The following KLF12 variants were observed in gnomAD, a reference collection of about 807,000 sequenced individuals.
KLF12 encodes the protein KLF transcription factor 12, also known as Krueppel-like factor 12.
KLF12 carries 9 observed loss-of-function variants against 37.8 expected under a neutral mutation model. That is an observed-to-expected ratio of 0.24 (90% CI 0.14 to 0.42). KLF12 has a LOEUF of 0.42. KLF12 is among the 10% of genes least tolerant of loss of function. KLF12 has a pLI of 1.00. For synonymous variants in KLF12, 208 were observed against 202.1 expected (o/e 1.03, Z -0.25); for missense variants, 411 against 516.0 (o/e 0.80, Z 1.97).
chr13:73,969,230 A>G (rs895299302), intron 2 of KLF12, among the ~76,000 whole-genome samples: 1 of 152,190 alleles, frequency 6.6e-6, no homozygotes, highest in Non-Finnish European at 1.5e-5. Flanking sequence ...AATCCTAGGC[A>G]ATGACTGGAT....
chr13:74,060,581 G>A (rs911624047), intron 1 of KLF12, among the ~76,000 whole-genome samples: 2 of 149,658 alleles, frequency 1.3e-5, no homozygotes, highest in African/African-American at 2.5e-5. Context: ...AACATTACTG[G>A]TGTACAGAAA....
intron 2 of KLF12, among the ~76,000 whole-genome samples, chr13:73,990,868 A>G (rs936533716): frequency 1.2e-4 from 18 of 152,206 alleles, no homozygotes; most frequent in African/African-American, 3.4e-4. Flanking sequence ...TTATTTTTAA[A>G]AAACCGTTTC....
At chr13:74,091,426 G>C (rs1397093341) in intron 1 of KLF12, among the ~76,000 whole-genome samples, 1 of 152,154 alleles carries the variant, frequency 6.6e-6, no homozygotes, top group Non-Finnish European at 1.5e-5. Context: ...TGGAATCATA[G>C]AGTATGAAGA....
At chr13:74,295,937 C>G in the KLF12 span, among the ~76,000 whole-genome samples, 13 of 152,186 alleles carry the variant, frequency 8.5e-5, no homozygotes, top group Middle Eastern at 3.4e-3. Flanking sequence ...CCTCAGCGTC[C>G]TGAGTAGCAG....
chr13:73,769,081 A>G (rs1164786477), intron 5 of KLF12, among the ~76,000 whole-genome samples: 1 of 152,228 alleles, frequency 6.6e-6, no homozygotes, highest in Non-Finnish European at 1.5e-5. Context: ...GTGGGTACTT[A>G]TAAGAAGCAC....
In KLF12 at chr13:73,937,497, TA is replaced by T. The variant is rs370912032; in HGVS notation, c.123+6483del. Among the ~76,000 whole-genome samples the T allele has an allele frequency of 1.9e-4, 29 of 152,278 alleles. No homozygotes were observed. The East Asian group carries it at 5.4e-3, about 28-fold the overall frequency. On this transcript the variant is annotated intron_variant, in intron 3 of 7. Transcript: ENST00000377669. ...GACCCTATAAAAATGCAAATAACTC[TA>T]GGAAAGGGCACTTTACATTCTCTTC...
At chr13:74,117,828 C>A (rs1265171629) in intron 1 of KLF12, among the ~76,000 whole-genome samples, 1 of 152,154 alleles carries the variant, frequency 6.6e-6, no homozygotes, top group Non-Finnish European at 1.5e-5. Context: ...AATACCTGAC[C>A]AGTACTCCTT....
intron 5 of KLF12, among the ~76,000 whole-genome samples, chr13:73,781,135 A>G (rs1211736563): frequency 2.0e-5 from 3 of 152,234 alleles, no homozygotes. Context: ...GCCTCCAGCA[A>G]AAAGAAATAC....
At chr13:73,987,777 G>A (rs1891863932) in intron 2 of KLF12, among the ~76,000 whole-genome samples, 1 of 136,114 alleles carries the variant, frequency 7.3e-6, no homozygotes, top group Non-Finnish European at 1.6e-5. Flanking sequence ...TTGGAGAGGG[G>A]AGAGAAGAAG....
the KLF12 span, among the ~76,000 whole-genome samples, chr13:74,235,687 G>A: frequency 6.6e-6 from 1 of 152,056 alleles, no homozygotes; most frequent in African/African-American, 2.4e-5. Flanking sequence ...ATACTTTCAT[G>A]AGGAGTATTT....
rs1451101488 is a variant in KLF12 at position 73,838,586 on chromosome 13, A to AATAAGTT, written c.670+7234_670+7240dup. Among the ~76,000 whole-genome samples, 10 of 152,290 alleles carry AATAAGTT rather than the reference A, an allele frequency of 6.6e-5. No individual in the cohort carries two copies. The East Asian group carries it at 1.9e-3, about 29-fold the overall frequency. ...TAAGAAATAATGCATTTGGACCTATAATAAGTTATTTTTTCAAGTATGACA... is the reference window on the plus strand; with the variant it reads ...TAAGAAATAATGCATTTGGACCTATAATAAGTTATAAGTTATTTTTTCAAGTATGACA... On this transcript the variant is annotated intron_variant, in intron 4 of 7. Coordinates refer to ENST00000377669, the MANE Select transcript of KLF12 (RefSeq NM_007249.5).
chr13:74,024,356 T>A (rs1892917848), intron 1 of KLF12, among the ~76,000 whole-genome samples: 1 of 152,236 alleles, frequency 6.6e-6, no homozygotes, highest in Non-Finnish European at 1.5e-5. Context: ...TAGTTGCCCA[T>A]CTAATGGTTT....
the KLF12 span, among the ~76,000 whole-genome samples, chr13:74,227,743 T>G: frequency 6.6e-6 from 1 of 152,154 alleles, no homozygotes; most frequent in Non-Finnish European, 1.5e-5. Context: ...ACATAGAGTT[T>G]ATTGTGATAA....
intron 1 of KLF12, among the ~76,000 whole-genome samples, chr13:74,129,764 G>A (rs1203475336): frequency 3.3e-5 from 5 of 150,832 alleles, no homozygotes; most frequent in Non-Finnish European, 5.9e-5. Flanking sequence ...ATCTACTGCC[G>A]ACCAAAACAA....
chr13:73,733,306 T>C (rs1877209571), intron 6 of KLF12, among the ~76,000 whole-genome samples: 1 of 152,188 alleles, frequency 6.6e-6, no homozygotes, highest in African/African-American at 2.4e-5. Context: ...ATTAACTCCC[T>C]GACCCCTCCC....
intron 2 of KLF12, among the ~76,000 whole-genome samples, chr13:73,967,314 T>C (rs1194110078): frequency 5.3e-5 from 8 of 152,118 alleles, no homozygotes; most frequent in Admixed American, 5.2e-4. Flanking sequence ...AATGCCAAGG[T>C]GAAGGAGCCT....
chr13:73,937,187 T>G (rs912030807), intron 3 of KLF12, among the ~76,000 whole-genome samples: 5 of 95,254 alleles, frequency 5.2e-5, no homozygotes, highest in Non-Finnish European at 1.1e-4. Flanking sequence ...AGACTCCGTC[T>G]CAAAAAAAAA....
chr13:74,043,818 G>A (rs1893472449), intron 1 of KLF12, among the ~76,000 whole-genome samples: 1 of 152,198 alleles, frequency 6.6e-6, no homozygotes, highest in African/African-American at 2.4e-5. Context: ...CACAGCAATT[G>A]CTGTGTGGGT....
intron 4 of KLF12, among the ~76,000 whole-genome samples, chr13:73,835,805 C>G (rs1419797144): frequency 6.6e-6 from 1 of 152,160 alleles, no homozygotes; most frequent in Non-Finnish European, 1.5e-5. Context: ...CTCTCAGATA[C>G]TTTTCAACCT....
Sources: gnomAD v4.1 joint callset for allele counts (sites outside exome capture counted in the v4.1 genomes callset) on GRCh38, gnomAD v4.1.1 for gene constraint, MANE v1.5 for transcripts, NCBI Gene and HGNC (gene_info 2026-07-23, HGNC 2026-07-21) for gene names.